Variants in MYO7A observed in about 807,000 individuals in gnomAD.
The protein encoded by MYO7A is myosin VIIA.
In MYO7A, 210 loss-of-function variants were observed where a neutral mutation model predicts 263.8. The ratio of observed to expected loss-of-function variants is 0.80; its 90% CI spans 0.71 to 0.89. MYO7A has a LOEUF of 0.89. Ranked by LOEUF, MYO7A falls within the 40% of genes least tolerant of loss-of-function variation. The pLI is 0.00. For synonymous variants in MYO7A, 1,239 were observed against 1,197.3 expected, an observed-to-expected ratio of 1.03 and a Z score of -0.72; for missense variants, 2,820 against 2,968.3, an observed-to-expected ratio of 0.95 and a Z score of 1.16.
intron 26 of MYO7A, among the ~76,000 whole-genome samples, chr11:77,184,086 G>A (rs1032403345): frequency 6.6e-6 from 1 of 152,188 alleles, no homozygotes; most frequent in African/African-American, 2.4e-5. Context: ...TGTGCTGTGG[G>A]CTGTGTGGGA....
At chr11:77,142,517 G>GAGATT (rs1555051198) in intron 2 of MYO7A, 192 bp from the exon 3 acceptor site, 1 of 664,698 alleles carries the variant, frequency 1.5e-6, no homozygotes, top group Non-Finnish European at 2.8e-6. Context: ...GGGGATTGAT[G>GAGATT]AGATTGCATA....
chr11:77,184,848 A>C (rs1177752946), intron 27 of MYO7A, 133 bp downstream of exon 27: 1 of 1,425,228 alleles, frequency 7.0e-7, no homozygotes, highest in Non-Finnish European at 9.7e-7. Context: ...TGGTGGAGTT[A>C]GGACCTTGGT....
chr11:77,156,535 G>A, intron 5 of MYO7A, 125 bp from the exon 6 acceptor site: 4 of 1,391,850 alleles, frequency 2.9e-6, no homozygotes, highest in Non-Finnish European at 4.0e-6. Context: ...CAGCCCTGGA[G>A]GGTCCGTATT....
intron 4 of MYO7A, among the ~76,000 whole-genome samples, chr11:77,153,835 G>GTCAGGGGCCTCCT (rs1555059157): frequency 1.3e-5 from 2 of 152,156 alleles, no homozygotes; most frequent in Non-Finnish European, 2.9e-5. Flanking sequence ...AGGGGCCTCC[G>GTCAGGGGCCTCCT]TCAGGGCCCT....
chr11:77,138,348 C>T lies in MYO7A; in HGVS notation c.19-4361C>T, dbSNP rs549387733. 6.6e-6 allele frequency among the ~76,000 whole-genome samples: 1 copy of T among 152,034 alleles called. No individual in the cohort carries two copies. On this transcript the variant is annotated intron_variant, in intron 2 of 48. Transcript: ENST00000409709. This position sits in a 1 kb window ranked among gnomAD's most constrained non-coding sequence, Gnocchi z 4.9. ...CCGACCCTGCCGACCCCGCGCGCAT[C>T]CCGCAGCCCGGCAAGTGGGCGCTGG...
At chr11:77,189,217 C>A in intron 27 of MYO7A, 127 bp from the exon 28 acceptor site, 1 of 1,373,250 alleles carries the variant, frequency 7.3e-7, no homozygotes, top group South Asian at 1.4e-5. Flanking sequence ...ACTCTGCCTC[C>A]TCCCGGGTGG....
At chr11:77,160,951 G>T (rs371456778) in intron 11 of MYO7A, 22 bp from the exon 12 acceptor site, 45 of 1,580,694 alleles carry the variant, frequency 2.8e-5, no homozygotes, top group Non-Finnish European at 3.8e-5. Flanking sequence ...GCTGGTGCCA[G>T]TGGCTGATCA....
intron 4 of MYO7A, among the ~76,000 whole-genome samples, chr11:77,153,427 C>T (rs112431025): frequency 0.014 from 2,089 of 152,200 alleles, 43 homozygotes; most frequent in African/African-American, 0.048. Context: ...CTGAAGGGTT[C>T]ATGTGCAGGA....
chr11:77,186,752 T>C (rs1346487570), intron 27 of MYO7A, among the ~76,000 whole-genome samples: 3 of 152,242 alleles, frequency 2.0e-5, no homozygotes, highest in African/African-American at 7.2e-5. Flanking sequence ...TTCACTTTCC[T>C]ATCATTTGCA....
intron 38 of MYO7A, 35 bp downstream of exon 38, chr11:77,203,252 A>AGGGACC: frequency 6.5e-7 from 1 of 1,542,166 alleles, no homozygotes; most frequent in Admixed American, 2.0e-5. Context: ...CAGGGGAGCC[A>AGGGACC]GGGACCGGGC....
At chr11:77,192,884 A>AGGTAGCGATGGTGTTGTTGGTGATGGT (rs1956211352) in intron 31 of MYO7A, among the ~76,000 whole-genome samples, 1 of 3,892 alleles carries the variant, frequency 2.6e-4, no homozygotes, top group African/African-American at 2.5e-3. Flanking sequence ...GTGATGGTGG[A>AGGTAGCGATGGTGTTGTTGGTGATGGT]GGAGGTAGTG....
intron 27 of MYO7A, among the ~76,000 whole-genome samples, chr11:77,186,927 C>T (rs782729534): frequency 5.3e-5 from 8 of 152,116 alleles, no homozygotes; most frequent in Non-Finnish European, 8.8e-5. Context: ...GAAAAATGTG[C>T]GACGCTTCCT....
chr11:77,164,213 T>A (rs1263378038), intron 14 of MYO7A, among the ~76,000 whole-genome samples: 1 of 152,116 alleles, frequency 6.6e-6, no homozygotes, highest in Non-Finnish European at 1.5e-5. Flanking sequence ...TCTTAAGGGT[T>A]TGTCAAAAGA....
At chr11:77,144,017 T>A (rs1467894315) in intron 3 of MYO7A, among the ~76,000 whole-genome samples, 1 of 152,040 alleles carries the variant, frequency 6.6e-6, no homozygotes, top group Non-Finnish European at 1.5e-5. Context: ...AGAATTGTCA[T>A]CCCATGAGGA....
Position 77,190,684 on chromosome 11 carries a change from G to A in MYO7A, c.3751-13G>A. On this transcript the variant is annotated splice_polypyrimidine_tract_variant and intron_variant, in intron 29 of 48. Coordinates refer to ENST00000409709, the MANE Select transcript of MYO7A (RefSeq NM_000260.4). ...GGGAAGGGACCCCACAAACCCTCTT[G>A]GGGCACTTCCAGGCCACCAAGTCCA... The A allele has an allele frequency of 1.3e-6, 2 of 1,578,536 alleles. No homozygotes were observed. Among genetic ancestry groups the A allele is most frequent in the Non-Finnish European group, 1.7e-6 (2 of 1,163,920 alleles).
chr11:77,207,679 C>T (rs1478450202), intron 42 of MYO7A, among the ~76,000 whole-genome samples: 2 of 152,206 alleles, frequency 1.3e-5, no homozygotes, highest in South Asian at 2.1e-4. Flanking sequence ...CCCCAACACA[C>T]ATGTTCTTTC....
At position 77,155,911 on chromosome 11, in the gene MYO7A, A is replaced by G. The variant is rs782623312; in HGVS notation, c.290A>G (p.Tyr97Cys). ...IRYRDHLIYTYTGSILVAVNP... is the reference protein window; with the variant it reads ...IRYRDHLIYTCTGSILVAVNP... ...CCCATCTCTTGCTGCCCGCAGACGT[A>G]TACGGGCTCCATCCTGGTGGCTGTG... The change falls in exon 5 of 49, where the codon TAT becomes TGT. Residue 97 changes from tyrosine to cysteine, a missense_variant. Tyr to Cys is a radical substitution (Grantham distance 194). Transcript: ENST00000409709. The G allele has an allele frequency of 1.2e-6, 2 of 1,600,892 alleles. No homozygotes were observed. The highest frequency in any genetic ancestry group is 2.7e-5 in the African/African-American group (2 of 74,672).
intron 15 of MYO7A, among the ~76,000 whole-genome samples, chr11:77,171,247 G>A (rs945300133): frequency 6.6e-6 from 1 of 150,792 alleles, no homozygotes; most frequent in East Asian, 1.9e-4. Flanking sequence ...TGTGTGTGTT[G>A]TGTGTGTGTG....
rs372703999 is a variant in MYO7A, at chr11:77,181,338, G to A, written c.2695-42G>A. On this transcript the variant is annotated intron_variant, in intron 22 of 48. Transcript: ENST00000409709. ...GCTTGTTCCCTGAGGCTGTGGCACC[G>A]GGGGCTGACCCCGTGTCTTCTGTGT... 1.6e-5 allele frequency: 24 copies of A among 1,510,576 alleles called. No individual in the cohort carries two copies. In the East Asian group the frequency reaches 2.0e-4, roughly 12 times the overall value. The allele number at this position is 1,510,576 out of a possible 1,614,324, so 93.6% of individuals were successfully genotyped here. A position where few individuals can be genotyped will look rare whatever the true frequency, so the allele number is the denominator to read the frequency against.
Sources: gnomAD v4.1 joint callset for allele counts (sites outside exome capture counted in the v4.1 genomes callset) on GRCh38, gnomAD v4.1.1 for gene constraint, Gnocchi (gnomAD v3.1) non-coding constraint, MANE v1.5 for transcripts, NCBI Gene and HGNC (gene_info 2026-07-23, HGNC 2026-07-21) for gene names.